Variants in DNAJC13 observed in about 807,000 individuals in gnomAD.
DNAJC13 encodes the protein DnaJ heat shock protein family (Hsp40) member C13.
DNAJC13 carries 75 observed loss-of-function variants against 290.5 expected under a neutral mutation model. The ratio of observed to expected loss-of-function variants is 0.26; its 90% CI spans 0.21 to 0.31. DNAJC13 has a LOEUF of 0.31. Among genes scored for constraint, DNAJC13 ranks in the 10% least tolerant of loss-of-function variants. The pLI is 1.00. For synonymous variants in DNAJC13, 862 were observed against 892.0 expected (o/e 0.97, Z 0.60); for missense variants, 2,260 against 2,674.5 (o/e 0.85, Z 3.42).
rs141883610 is a variant in DNAJC13, at chr3:132,525,687, G to A, written c.6138G>A (p.Pro2046=). The change falls in exon 52 of 56, where the codon CCG becomes CCA. Residue 2046 remains proline (P), a synonymous_variant. Transcript: ENST00000260818. ...AACCTCAGCTGGCAGATCAGGTCCC[G>A]CCATTGGGCCATCTTCCCAAAGTTA... ...SAQPQLADQV[P]PLGHLPKVIQ... 7.7e-5 allele frequency: 125 copies of A among 1,614,164 alleles called. No individual in the cohort carries two copies. The highest frequency in any genetic ancestry group is 2.7e-4 in the South Asian group (25 of 91,082).
chr3:132,447,511 T>A (rs1933288998), intron 4 of DNAJC13, 41 bp downstream of exon 4: 2 of 1,492,618 alleles, frequency 1.3e-6, no homozygotes, highest in South Asian at 1.4e-5. Context: ...TTCTTTCTTC[T>A]CTTTTTAAAA....
intron 1 of DNAJC13, among the ~76,000 whole-genome samples, chr3:132,425,888 T>C (rs1939077259): frequency 6.6e-6 from 1 of 152,168 alleles, no homozygotes; most frequent in African/African-American, 2.4e-5. Context: ...TGACCGTAAT[T>C]GGCTTGAGTG....
At chr3:132,475,627 G>A (rs1481486677) in intron 22 of DNAJC13, among the ~76,000 whole-genome samples, 1 of 152,186 alleles carries the variant, frequency 6.6e-6, no homozygotes, top group Non-Finnish European at 1.5e-5. Flanking sequence ...ATTTGAACAT[G>A]TGAGTGATCC....
intron 6 of DNAJC13, among the ~76,000 whole-genome samples, chr3:132,452,818 A>G (rs1933458798): frequency 6.6e-6 from 1 of 152,224 alleles, no homozygotes; most frequent in Non-Finnish European, 1.5e-5. Flanking sequence ...TTGTAAATAG[A>G]GCCCAGAAAG....
At chr3:132,471,334 G>A (rs1303545650) in intron 20 of DNAJC13, among the ~76,000 whole-genome samples, 1 of 143,468 alleles carries the variant, frequency 7.0e-6, no homozygotes, top group Non-Finnish European at 1.5e-5. Flanking sequence ...GGCTGGCCGG[G>A]CGGGGGGTTG....
Position 132,516,807 on chromosome 3 carries a change from A to G in DNAJC13, c.5664A>G (p.Ile1888Met), listed in dbSNP as rs897721664. The change falls in exon 48 of 56, where the codon ATA (isoleucine) becomes ATG (methionine). Residue 1888 changes from isoleucine to methionine, a missense_variant. By Grantham distance (10) the Ile-to-Met change is conservative. This residue lies in a region of DNAJC13 where 1,494 missense variants were observed against 1,693.7 expected (regional missense o/e 0.88). Coordinates refer to ENST00000260818, the MANE Select transcript of DNAJC13 (RefSeq NM_015268.4). ...LFAKMTADKL[I>M]GPKVRITLMK... ...CCAAAATGACAGCAGATAAACTGATAGGTCCAAAGGTAGGCACAAAATAAG... is the reference window on the plus strand; with the variant it reads ...CCAAAATGACAGCAGATAAACTGATGGGTCCAAAGGTAGGCACAAAATAAG... 27 of 1,611,018 alleles carry G rather than the reference A, an allele frequency of 1.7e-5. No individual in the cohort carries two copies. The East Asian group carries it at 6.0e-4, about 36-fold the overall frequency.
intron 48 of DNAJC13, among the ~76,000 whole-genome samples, chr3:132,517,070 C>T (rs1048945449): frequency 1.3e-5 from 2 of 152,124 alleles, no homozygotes; most frequent in South Asian, 4.1e-4. Context: ...TCATCTCCCT[C>T]GAAGAGGGAA....
At chr3:132,532,714 G>GAA (rs11394552) in intron 55 of DNAJC13, among the ~76,000 whole-genome samples, 18,747 of 150,276 alleles carry the variant, frequency 0.12, 1,736 homozygotes, top group East Asian at 0.53. Context: ...TGGTATGATT[G>GAA]AAAAAAAAAT....
chr3:132,462,151 T>A (rs1168436647), intron 15 of DNAJC13, among the ~76,000 whole-genome samples: 1 of 152,176 alleles, frequency 6.6e-6, no homozygotes, highest in Admixed American at 6.5e-5. Flanking sequence ...ATTAGATACA[T>A]GTATGTATAT....
At chr3:132,420,657 C>T (rs1284623064) in intron 1 of DNAJC13, among the ~76,000 whole-genome samples, 1 of 151,966 alleles carries the variant, frequency 6.6e-6, no homozygotes, top group South Asian at 2.1e-4. Flanking sequence ...CACAAAGAAT[C>T]AAACAGGCAT....
intron 47 of DNAJC13, 84 bp downstream of exon 47, chr3:132,516,580 A>G: frequency 6.5e-7 from 1 of 1,538,606 alleles, no homozygotes; most frequent in East Asian, 2.3e-5. Flanking sequence ...CTGATAAACT[A>G]GAAGAATGCT....
At chr3:132,510,951 T>G (rs1935759030) in intron 43 of DNAJC13, 116 bp from the exon 44 acceptor site, 2 of 1,107,534 alleles carry the variant, frequency 1.8e-6, no homozygotes, top group Non-Finnish European at 2.6e-6. Flanking sequence ...TGTATTCATG[T>G]GTATGTATAA....
chr3:132,454,268 G>A, intron 9 of DNAJC13, 111 bp downstream of exon 9: 1 of 769,426 alleles, frequency 1.3e-6, no homozygotes, highest in South Asian at 1.8e-5. Context: ...ATTTAATTTG[G>A]GAAAAGACAT....
intron 50 of DNAJC13, 46 bp downstream of exon 50, chr3:132,523,245 T>C: frequency 3.1e-6 from 5 of 1,600,922 alleles, no homozygotes; most frequent in Non-Finnish European, 4.3e-6. Context: ...TTGATTTAGT[T>C]GTTTTCACTT....
Position 132,527,889 on chromosome 3 carries a change from C to A in DNAJC13, c.6382-300C>A, listed in dbSNP as rs139325623. Among the ~76,000 whole-genome samples, 410 of 152,258 alleles carry A rather than the reference C, an allele frequency of 2.7e-3. 2 individuals carry two copies. The highest frequency in any genetic ancestry group is 9.4e-3 in the African/African-American group (389 of 41,564). On this transcript the variant is annotated intron_variant, in intron 53 of 55. Transcript: ENST00000260818. ...AGTATAGGGGCTAAAAGCTCAGGTT[C>A]TATGTTTTCTGGCTCCAGATACATA...
intron 55 of DNAJC13, among the ~76,000 whole-genome samples, chr3:132,531,530 G>A (rs138821758): frequency 2.1e-4 from 32 of 152,298 alleles, no homozygotes; most frequent in African/African-American, 6.7e-4. Context: ...GGGCGCGGTG[G>A]CTCACGCCTA....
At position 132,539,003 on chromosome 3, in the gene DNAJC13, TAAAG is replaced by T. The variant is rs1158133901; in HGVS notation, c.*722_*725del. On this transcript the variant is annotated 3_prime_UTR_variant, in exon 56 of 56. Transcript: ENST00000260818. ...ATATGTGTACATAAAATTTTAAAAA[TAAAG>T]GGAATTGACTGCTTTGTTAATGAGA... is the stretch of plus-strand genomic sequence containing the variant. 1 of 152,644 alleles carries T rather than the reference TAAAG, an allele frequency of 6.6e-6. No homozygotes were observed. The highest frequency in any genetic ancestry group is 2.4e-5 in the African/African-American group (1 of 41,470). 9.5% of individuals were successfully genotyped at this position (152,644 alleles called of 1,614,324 possible).
intron 55 of DNAJC13, chr3:132,537,372 C>T (rs1936628188): frequency 2.6e-6 from 1 of 392,010 alleles, no homozygotes; most frequent in East Asian, 7.3e-5. Context: ...TCAGCTAAAA[C>T]TATTGCTCAG....
At chr3:132,529,202 A>C (rs965716636) in intron 54 of DNAJC13, among the ~76,000 whole-genome samples, 10 of 152,158 alleles carry the variant, frequency 6.6e-5, no homozygotes, top group African/African-American at 2.4e-4. Context: ...ATAATCATAC[A>C]TATGTGACCC....
Sources: allele counts gnomAD v4.1 joint callset (sites outside exome capture counted in the v4.1 genomes callset), GRCh38; gene constraint gnomAD v4.1.1; regional missense constraint gnomAD v4.1.1; transcripts MANE v1.5; gene names NCBI Gene and HGNC (gene_info 2026-07-23, HGNC 2026-07-21).